The following MALRD1 variants were observed in gnomAD, a reference collection of about 807,000 sequenced individuals.
MALRD1 encodes MAM and LDL receptor class A domain containing 1.
A neutral mutation model predicts 242.1 loss-of-function variants in MALRD1; 247 were observed. The ratio of observed to expected loss-of-function variants is 1.02; its 90% CI spans 0.92 to 1.13. MALRD1 has a LOEUF of 1.13. MALRD1 is among the 50% of genes most tolerant of loss of function. MALRD1 has a pLI of 0.00. For synonymous variants in MALRD1, 995 were observed against 866.6 expected (o/e 1.15, Z -2.60); for missense variants, 2,989 against 2,533.1 (o/e 1.18, Z -3.86).
At chr10:19,335,986 A>G (rs1843596671) in intron 24 of MALRD1, among the ~76,000 whole-genome samples, 1 of 151,938 alleles carries the variant, frequency 6.6e-6, no homozygotes, top group African/African-American at 2.4e-5. Context: ...AATAACAGAC[A>G]GAGAGCCAAA....
intron 7 of MALRD1, among the ~76,000 whole-genome samples, chr10:19,127,589 T>C (rs1215120404): frequency 6.6e-6 from 1 of 152,162 alleles, no homozygotes; most frequent in Non-Finnish European, 1.5e-5. Context: ...TATAGAAATC[T>C]CTTTATAAAT....
chr10:19,395,532 T>A (rs1846536520), intron 28 of MALRD1, among the ~76,000 whole-genome samples: 1 of 152,296 alleles, frequency 6.6e-6, no homozygotes, highest in African/African-American at 2.4e-5. Context: ...TGTATCTCAG[T>A]GAGCAAAGGG....
At chr10:19,080,358 CTTCAAACT>C (rs1835446624) in intron 2 of MALRD1, among the ~76,000 whole-genome samples, 2 of 152,156 alleles carry the variant, frequency 1.3e-5, no homozygotes, top group South Asian at 4.1e-4. Flanking sequence ...TGCTACCCAA[CTTCAAACT>C]ATACTACAAG....
rs1833357420 is a variant in MALRD1 at position 19,136,784 on chromosome 10, A to G, written c.1411+3A>G. The G allele has an allele frequency of 8.1e-7, 1 of 1,231,050 alleles. No homozygotes were observed. Among genetic ancestry groups the G allele is most frequent in the South Asian group, 4.1e-5 (1 of 24,306 alleles). 76.3% of individuals were successfully genotyped at this position (1,231,050 alleles called of 1,614,324 possible). On this transcript the variant is annotated splice_donor_region_variant and intron_variant, in intron 10 of 39. Transcript: ENST00000454679. ...TGATGAAGACCCAGCAACTTGCTGT[A>G]AGTGAGTGAATGGCTTACTAGTTTA...
chr10:19,283,516 C>T (rs1840929674), intron 21 of MALRD1, among the ~76,000 whole-genome samples: 1 of 152,078 alleles, frequency 6.6e-6, no homozygotes, highest in African/African-American at 2.4e-5. Context: ...CTTCCCTTTT[C>T]CATCTCTTCC....
rs898724122 is a variant in MALRD1, at chr10:19,267,762, G to A, written c.3079+9991G>A. On this transcript the variant is annotated intron_variant, in intron 19 of 39. Transcript: ENST00000454679. ...TTTTTCTAAAGGAGGTGTAGACTCA[G>A]AAGAAAATACCAGATTATTGGAAAG... is the stretch of plus-strand genomic sequence containing the variant. 2.6e-5 allele frequency among the ~76,000 whole-genome samples: 4 copies of A among 152,140 alleles called. No individual in the cohort carries two copies. In the East Asian group the frequency reaches 7.7e-4, roughly 29 times the overall value.
At chr10:19,113,381 C>T (rs1184799539) in intron 5 of MALRD1, among the ~76,000 whole-genome samples, 1 of 152,114 alleles carries the variant, frequency 6.6e-6, no homozygotes, top group Non-Finnish European at 1.5e-5. Flanking sequence ...CCTCTAATTC[C>T]TGGGTATTAT....
chr10:19,488,305 A>G (rs532285844), intron 29 of MALRD1, among the ~76,000 whole-genome samples: 2 of 152,328 alleles, frequency 1.3e-5, no homozygotes, highest in South Asian at 2.1e-4. Context: ...ATCAGGTTCT[A>G]TGTGAGGCCC....
At chr10:19,610,248 A>G (rs913225264) in intron 35 of MALRD1, among the ~76,000 whole-genome samples, 1 of 151,952 alleles carries the variant, frequency 6.6e-6, no homozygotes, top group African/African-American at 2.4e-5. Context: ...CCTCTCTCCT[A>G]GCAGTTTTGT....
intron 21 of MALRD1, among the ~76,000 whole-genome samples, chr10:19,286,407 T>G (rs1489327290): frequency 2.0e-4 from 30 of 151,586 alleles, no homozygotes; most frequent in Admixed American, 1.6e-3. Context: ...AGATAGCTCT[T>G]ATTATTTTGA....
intron 13 of MALRD1, among the ~76,000 whole-genome samples, chr10:19,169,932 A>G (rs147478761): frequency 4.8e-4 from 73 of 152,330 alleles, no homozygotes; most frequent in Non-Finnish European, 7.6e-4. Context: ...TATTGGAAAG[A>G]AGAAAGACAT....
intron 38 of MALRD1, among the ~76,000 whole-genome samples, chr10:19,700,019 T>TAGAC (rs1464310558): frequency 8.4e-6 from 1 of 119,426 alleles, no homozygotes; most frequent in African/African-American, 3.7e-5. Context: ...GAAATTGATT[T>TAGAC]AGACACACAC....
intron 21 of MALRD1, among the ~76,000 whole-genome samples, chr10:19,290,945 C>G (rs1004401732): frequency 6.6e-6 from 1 of 152,100 alleles, no homozygotes; most frequent in Non-Finnish European, 1.5e-5. Context: ...AGTCTCTTAG[C>G]CCAGGCAGTG....
chr10:19,321,467 AT>A lies in MALRD1; in HGVS notation c.3420-2477del, dbSNP rs532810707. Among the ~76,000 whole-genome samples the A allele has an allele frequency of 2.7e-4, 41 of 152,186 alleles. No homozygotes were observed. In the East Asian group the frequency reaches 7.9e-3, roughly 29 times the overall value. On this transcript the variant is annotated intron_variant, in intron 21 of 39. Coordinates refer to ENST00000454679, the MANE Select transcript of MALRD1 (RefSeq NM_001142308.3). ...GATTTGTAAGCCATATTAAATATAT[AT>A]TTTTAATTATTTCAAAACTATGTTT... is the stretch of plus-strand genomic sequence containing the variant.
At chr10:19,611,567 A>G (rs974904203) in intron 35 of MALRD1, among the ~76,000 whole-genome samples, 46 of 152,128 alleles carry the variant, frequency 3.0e-4, no homozygotes, top group African/African-American at 5.3e-4. Flanking sequence ...CCAGAGAGAC[A>G]TTGCTGTGGC....
chr10:19,236,758 AT>A (rs972409459), intron 18 of MALRD1, among the ~76,000 whole-genome samples: 1 of 152,100 alleles, frequency 6.6e-6, no homozygotes, highest in Non-Finnish European at 1.5e-5. Flanking sequence ...TACGTTTTTC[AT>A]TTTTATAAGC....
chr10:19,628,487 G>A (rs1337372359), intron 36 of MALRD1, among the ~76,000 whole-genome samples: 1 of 152,066 alleles, frequency 6.6e-6, no homozygotes, highest in African/African-American at 2.4e-5. Context: ...TATCCATATT[G>A]TTAGGTGAAA....
At chr10:19,196,247 A>C (rs1161753514) in intron 14 of MALRD1, among the ~76,000 whole-genome samples, 1 of 152,164 alleles carries the variant, frequency 6.6e-6, no homozygotes, top group Non-Finnish European at 1.5e-5. Context: ...CCTTCCTGCT[A>C]ACATACCATT....
At chr10:19,074,570 G>C (rs1011445958) in intron 2 of MALRD1, among the ~76,000 whole-genome samples, 6 of 151,844 alleles carry the variant, frequency 4.0e-5, no homozygotes, top group Non-Finnish European at 7.4e-5. Context: ...TTATATGTCA[G>C]TGATGGAATC....
Sources: allele counts gnomAD v4.1 joint callset (sites outside exome capture counted in the v4.1 genomes callset), GRCh38; gene constraint gnomAD v4.1.1; transcripts MANE v1.5; gene names NCBI Gene and HGNC (gene_info 2026-07-23, HGNC 2026-07-21).